Variants in SORBS2 observed in about 807,000 individuals in gnomAD.
SORBS2 encodes the protein sorbin and SH3 domain containing 2.
SORBS2 carries 46 observed loss-of-function variants against 97.7 expected under a neutral mutation model. That is an observed-to-expected ratio of 0.47 (90% confidence interval 0.37 to 0.60). The LOEUF (loss-of-function observed/expected upper bound fraction) is 0.60, where lower values mean the gene tolerates loss of function less well. Among genes scored for constraint, SORBS2 ranks in the 20% least tolerant of loss-of-function variants. SORBS2 has a pLI of 0.00. For synonymous variants in SORBS2, 476 were observed against 473.4 expected, an observed-to-expected ratio of 1.01 and a Z score of -0.07; for missense variants, 1,316 against 1,282.3, an observed-to-expected ratio of 1.03 and a Z score of -0.40.
chr4:185,729,627 ATAG>A (rs1161876147), intron 2 of SORBS2, among the ~76,000 whole-genome samples: 4 of 152,252 alleles, frequency 2.6e-5, no homozygotes, highest in Non-Finnish European at 4.4e-5. Context: ...AAGACAAGGA[ATAG>A]TACAGCTCTT....
At chr4:185,703,232 T>A (rs2098291426) in intron 2 of SORBS2, among the ~76,000 whole-genome samples, 1 of 152,246 alleles carries the variant, frequency 6.6e-6, no homozygotes, top group African/African-American at 2.4e-5. Flanking sequence ...ATTTTATAAA[T>A]CTGCACCAGA....
chr4:185,827,780 T>A (rs1283765438), intron 1 of SORBS2, among the ~76,000 whole-genome samples: 1 of 124,440 alleles, frequency 8.0e-6, no homozygotes, highest in African/African-American at 3.0e-5. Flanking sequence ...ACCATCACCA[T>A]CATCATCGTC....
chr4:185,797,356 C>T lies in SORBS2; in HGVS notation c.-337-21990G>A, dbSNP rs2099109784. 2.6e-5 allele frequency among the ~76,000 whole-genome samples: 4 copies of T among 152,272 alleles called. No homozygotes were observed. The South Asian group carries it at 6.2e-4, about 24-fold the overall frequency. The stretch of plus-strand genomic sequence containing the variant: ...TATCATTTCGTAATCTTTTCTTGTG[C>T]CCTTCATTTAATTTGATACTGTTAC... On this transcript the variant is annotated intron_variant, in intron 1 of 20. Coordinates refer to the SORBS2 transcript ENST00000284776.
chr4:185,722,968 G>A (rs11132341), intron 2 of SORBS2, among the ~76,000 whole-genome samples: 28,545 of 152,034 alleles, frequency 0.19, 2,888 homozygotes, highest in Non-Finnish European at 0.23. Flanking sequence ...CAGCCGATCT[G>A]AGCTGTCACC....
intron 1 of SORBS2, among the ~76,000 whole-genome samples, chr4:185,791,734 C>A (rs910961262): frequency 6.6e-6 from 1 of 151,768 alleles, no homozygotes; most frequent in Admixed American, 6.6e-5. Context: ...GTTTTTCCCC[C>A]ACAAGTACAT....
At chr4:185,688,771 A>G (rs1288450906) in intron 2 of SORBS2, among the ~76,000 whole-genome samples, 1 of 152,180 alleles carries the variant, frequency 6.6e-6, no homozygotes. Flanking sequence ...ATATATATTT[A>G]AAAGTGGTAT....
intron 2 of SORBS2, among the ~76,000 whole-genome samples, chr4:185,711,210 A>C (rs1200738876): frequency 6.6e-6 from 1 of 151,398 alleles, no homozygotes; most frequent in Non-Finnish European, 1.5e-5. Context: ...CTGGCCTCCC[A>C]TCTCAGCCTC....
intron 1 of SORBS2, among the ~76,000 whole-genome samples, chr4:185,906,847 C>G (rs1272767961): frequency 1.3e-5 from 2 of 152,148 alleles, no homozygotes; most frequent in Non-Finnish European, 2.9e-5. Flanking sequence ...GGGAAGAGGC[C>G]GGGCGCAGTG....
At chr4:185,872,491 G>A (rs112157299) in intron 1 of SORBS2, among the ~76,000 whole-genome samples, 1,987 of 152,236 alleles carry the variant, frequency 0.013, 24 homozygotes, top group Non-Finnish European at 0.02. Flanking sequence ...CTAAATATCA[G>A]TAAATGACCA....
chr4:185,806,422 T>C (rs186239669), intron 1 of SORBS2, among the ~76,000 whole-genome samples: 17 of 150,180 alleles, frequency 1.1e-4, no homozygotes, highest in Admixed American at 1.1e-3. Context: ...GGCACAGCTC[T>C]TGGCTAGAAT....
intron 2 of SORBS2, among the ~76,000 whole-genome samples, chr4:185,739,606 G>A (rs1184661863): frequency 2.0e-5 from 3 of 152,148 alleles, no homozygotes; most frequent in Non-Finnish European, 2.9e-5. Flanking sequence ...CAGGATGAGG[G>A]CTTCTGGTCC....
intron 1 of SORBS2, among the ~76,000 whole-genome samples, chr4:185,934,940 G>C (rs534324674): frequency 6.6e-6 from 1 of 152,024 alleles, no homozygotes; most frequent in Non-Finnish European, 1.5e-5. Context: ...ATGGCTCTTC[G>C]GGATAGTTTG....
At position 185,623,293 on chromosome 4, in the gene SORBS2, C is replaced by T. The variant is rs1481863368; in HGVS notation, c.1836G>A (p.Arg612=). ...GTTTCTTAGGAGCCGAATTTTTTTT[C>T]CTCCGGAAAGGCACAGGACTGACTA... The change falls in exon 7 of 15, where the codon AGG becomes AGA. Residue 612 remains arginine (R), a synonymous_variant. Coordinates refer to ENST00000418609, the Ensembl canonical transcript of SORBS2. The surrounding 1 kb of genome is among the most constrained non-coding windows in gnomAD (Gnocchi z 6.4). The T allele has an allele frequency of 6.2e-7, 1 of 1,613,904 alleles. No homozygotes were observed. The highest frequency in any genetic ancestry group is 1.1e-5 in the South Asian group (1 of 91,070).
intron 4 of SORBS2, chr4:185,635,362 A>C: frequency 6.2e-7 from 1 of 1,613,068 alleles, no homozygotes; most frequent in Middle Eastern, 1.7e-4. Context: ...TACCTCATTG[A>C]AAACACCAGA....
intron 1 of SORBS2, among the ~76,000 whole-genome samples, chr4:185,911,537 T>A (rs28408604): frequency 0.086 from 13,039 of 152,126 alleles, 606 homozygotes; most frequent in East Asian, 0.15. Flanking sequence ...ATTTTCTCCT[T>A]GAGTGCGCAA....
In SORBS2 at chr4:185,934,515, C is replaced by T. The variant is rs181063585; in HGVS notation, c.-338+21681G>A. 5.5e-4 allele frequency among the ~76,000 whole-genome samples: 83 copies of T among 152,230 alleles called. 1 individual carries two copies. The highest frequency in any genetic ancestry group is 1.0e-3 in the Non-Finnish European group (71 of 68,024). ...GTGGCTCACACCTGTAATCCCAGCA[C>T]TTTGGGAGGCCGAGACAGGTGGATC... On this transcript the variant is annotated intron_variant, in intron 1 of 20. Transcript: ENST00000284776.
chr4:185,755,772 G>A (rs1335947164), intron 2 of SORBS2, among the ~76,000 whole-genome samples: 3 of 152,172 alleles, frequency 2.0e-5, no homozygotes, highest in Non-Finnish European at 4.4e-5. Context: ...ATTCTTTCAA[G>A]ACTTTCCCTT....
At chr4:185,638,856 G>A in intron 4 of SORBS2, 21 bp downstream of exon 14, 1 of 1,441,818 alleles carries the variant, frequency 6.9e-7, no homozygotes, top group Non-Finnish European at 9.1e-7. Context: ...ATGAAGAAAG[G>A]TAAGGAAGGA....
rs529764789 is a variant in SORBS2 at position 185,910,000 on chromosome 4, A to G, written c.-338+46196T>C. Among the ~76,000 whole-genome samples, 51 of 151,800 alleles carry G rather than the reference A, an allele frequency of 3.4e-4. No individual in the cohort carries two copies. In the South Asian group the frequency reaches 6.9e-3, roughly 20 times the overall value. On this transcript the variant is annotated intron_variant, in intron 1 of 20. Coordinates refer to the SORBS2 transcript ENST00000284776. ...CTCCATCTCAGAAAAAAAAAAAAAA[A>G]AAAAGAAAAGAAATATATTCCCTTC... is the stretch of plus-strand genomic sequence containing the variant.
Sources: gnomAD v4.1 joint callset for allele counts (sites outside exome capture counted in the v4.1 genomes callset) on GRCh38, gnomAD v4.1.1 for gene constraint, Gnocchi (gnomAD v3.1) non-coding constraint, MANE v1.5 for transcripts, NCBI Gene and HGNC (gene_info 2026-07-23, HGNC 2026-07-21) for gene names.